The following PTGR1 variants were observed in gnomAD, a reference collection of about 807,000 sequenced individuals.
PTGR1 encodes the protein prostaglandin reductase 1, also known as 15-oxoprostaglandin 13-reductase.
Under a neutral mutation model 37.7 loss-of-function variants are expected in PTGR1, and 23 were observed. The ratio of observed to expected loss-of-function variants is 0.61; its 90% CI spans 0.44 to 0.86. PTGR1 has a LOEUF of 0.86. Ranked by LOEUF, PTGR1 falls within the 40% of genes least tolerant of loss-of-function variation. The pLI is 0.00. For synonymous variants in PTGR1, 134 were observed against 140.0 expected, an observed-to-expected ratio of 0.96 and a Z score of 0.30; for missense variants, 351 against 394.3, an observed-to-expected ratio of 0.89 and a Z score of 0.93.
intron 1 of PTGR1, among the ~76,000 whole-genome samples, chr9:111,598,352 G>GT (rs1829844886): frequency 6.6e-6 from 1 of 152,130 alleles, no homozygotes; most frequent in Non-Finnish European, 1.5e-5. Context: ...GAAACCATTT[G>GT]GAGCTGCCAG....
intron 9 of PTGR1, chr9:111,564,233 T>A: frequency 9.3e-7 from 1 of 1,069,728 alleles, no homozygotes; most frequent in Non-Finnish European, 1.2e-6. Flanking sequence ...GATTATTTGC[T>A]TGAAGTCAGT....
intron 1 of PTGR1, 90 bp from the exon 2 acceptor site, chr9:111,597,522 T>C (rs2132450039): frequency 1.4e-6 from 1 of 720,582 alleles, no homozygotes; most frequent in Non-Finnish European, 2.3e-6. Flanking sequence ...GACAGCACAA[T>C]TACAATATCC....
At chr9:111,578,439 G>T (rs1189881201) in intron 7 of PTGR1, among the ~76,000 whole-genome samples, 1 of 152,228 alleles carries the variant, frequency 6.6e-6, no homozygotes, top group South Asian at 2.1e-4. Flanking sequence ...ATGGGAGACA[G>T]TGACAGATCA....
chr9:111,584,428 T>C (rs1309704956), intron 5 of PTGR1, among the ~76,000 whole-genome samples: 1 of 152,238 alleles, frequency 6.6e-6, no homozygotes, highest in Admixed American at 6.5e-5. Context: ...TGCCCACTAA[T>C]TGAATGTAAG....
chr9:111,597,193 AAAG>A (rs776256234), intron 2 of PTGR1, 121 bp downstream of exon 2: 2 of 753,108 alleles, frequency 2.7e-6, no homozygotes, highest in Non-Finnish European at 4.3e-6. Context: ...TTGCCAACCC[AAAG>A]AATTGTGAAC....
At chr9:111,596,183 C>T (rs1488309880) in intron 2 of PTGR1, among the ~76,000 whole-genome samples, 3 of 152,210 alleles carry the variant, frequency 2.0e-5, no homozygotes, top group African/African-American at 7.2e-5. Context: ...CCACAAATAA[C>T]TCCCACCCTT....
At chr9:111,560,968 TATATATAGAGAGAGAGAG>T (rs1475449432), downstream of PTGR1, among the ~76,000 whole-genome samples, 5 of 40,066 alleles carry the variant, frequency 1.2e-4, no homozygotes, top group East Asian at 1.8e-3. Context: ...TATATATATA[TATATATAGAGAGAGAGAG>T]AGAGAGAGAG....
chr9:111,550,894 C>T (rs1236829440), intron 9 of PTGR1, among the ~76,000 whole-genome samples: 1 of 152,064 alleles, frequency 6.6e-6, no homozygotes, highest in African/African-American at 2.4e-5. Flanking sequence ...CTGCATTATC[C>T]CTGTTTCCTT....
At chr9:111,578,201 C>T (rs941254083) in intron 7 of PTGR1, among the ~76,000 whole-genome samples, 24 of 152,202 alleles carry the variant, frequency 1.6e-4, no homozygotes, top group Admixed American at 9.8e-4. Flanking sequence ...CTTGTATCAG[C>T]GGTCCTCAAC....
chr9:111,582,272 G>A (rs1182077129), intron 6 of PTGR1, among the ~76,000 whole-genome samples: 1 of 152,040 alleles, frequency 6.6e-6, no homozygotes, highest in Non-Finnish European at 1.5e-5. Flanking sequence ...CACATAAAAT[G>A]GACAGAAAGG....
At chr9:111,573,457 A>AGCCTTAT (rs1354284906) in intron 8 of PTGR1, among the ~76,000 whole-genome samples, 2 of 152,132 alleles carry the variant, frequency 1.3e-5, no homozygotes, top group Admixed American at 6.5e-5. Context: ...GTGGGGCTAT[A>AGCCTTAT]AGGTTTCATT....
At chr9:111,560,802 G>C (rs1335429178), downstream of PTGR1, among the ~76,000 whole-genome samples, 1 of 149,520 alleles carries the variant, frequency 6.7e-6, no homozygotes, top group African/African-American at 2.5e-5. Flanking sequence ...CACTAGCCAG[G>C]CATGGTGGCT....
At chr9:111,585,041 A>C (rs1366958055) in intron 5 of PTGR1, among the ~76,000 whole-genome samples, 4 of 152,128 alleles carry the variant, frequency 2.6e-5, no homozygotes, top group Non-Finnish European at 5.9e-5. Flanking sequence ...AATTCATGTA[A>C]AGTTATTTCT....
intron 6 of PTGR1, among the ~76,000 whole-genome samples, chr9:111,582,812 C>T (rs887516209): frequency 6.6e-6 from 1 of 152,218 alleles, no homozygotes; most frequent in African/African-American, 2.4e-5. Context: ...CTCCATCTAA[C>T]TTGTCCCCTA....
rs897067660 is a variant in PTGR1, at chr9:111,562,906, G to C, written c.*215C>G. On this transcript the variant is annotated 3_prime_UTR_variant, in exon 10 of 10. Transcript: ENST00000407693. ...TTTCTACCACAACTCAGAAGAAGCT[G>C]TAGTGAACAGTGAGGTGACTGGTTG... 7.6e-6 allele frequency: 10 copies of C among 1,318,272 alleles called. No homozygotes were observed. The highest frequency in any genetic ancestry group is 1.5e-5 in the African/African-American group (1 of 67,720). The allele number at this position is 1,318,272 out of a possible 1,614,324, so 81.7% of individuals were successfully genotyped here. A position where few individuals can be genotyped will look rare whatever the true frequency, so the allele number is the denominator to read the frequency against.
chr9:111,585,951 C>T lies in PTGR1; in HGVS notation c.377+47G>A, dbSNP rs1242961362. 5.0e-6 allele frequency: 8 copies of T among 1,600,706 alleles called. No individual in the cohort carries two copies. The Admixed American group carries it at 1.0e-4, about 20-fold the overall frequency. On this transcript the variant is annotated intron_variant, in intron 5 of 9. Coordinates refer to ENST00000407693, the MANE Select transcript of PTGR1 (RefSeq NM_001146108.2). ...TTCTGAACAAACCATTTTGGAAAAT[C>T]AGAGTGTCAGACATTCAAACAAATG... is the stretch of plus-strand genomic sequence containing the variant.
At chr9:111,551,404 T>G (rs28838980) in intron 9 of PTGR1, among the ~76,000 whole-genome samples, 1 of 135,208 alleles carries the variant, frequency 7.4e-6, no homozygotes, top group African/African-American at 2.8e-5. Flanking sequence ...GTTTTTGTTT[T>G]TTTTTTTTTT....
At chr9:111,566,789 T>G (rs1458506140) in intron 9 of PTGR1, among the ~76,000 whole-genome samples, 1 of 152,166 alleles carries the variant, frequency 6.6e-6, no homozygotes, top group African/African-American at 2.4e-5. Context: ...GGAGGTTACA[T>G]CCTCAAGAAG....
chr9:111,571,075 C>G (rs984711263), intron 8 of PTGR1, among the ~76,000 whole-genome samples: 11 of 132,836 alleles, frequency 8.3e-5, no homozygotes, highest in African/African-American at 2.7e-4. Context: ...AGAAGGAATG[C>G]AGCCCTGCCA....
Sources: allele counts gnomAD v4.1 joint callset (sites outside exome capture counted in the v4.1 genomes callset), GRCh38; gene constraint gnomAD v4.1.1; transcripts MANE v1.5; gene names NCBI Gene and HGNC (gene_info 2026-07-23, HGNC 2026-07-21).